HPGDS: variants seen among roughly 807,000 people sequenced by gnomAD.
The protein encoded by HPGDS is hematopoietic prostaglandin D synthase.
A neutral mutation model predicts 23.1 loss-of-function variants in HPGDS; 26 were observed. The observed-to-expected ratio is 1.13, with a 90% confidence interval of 0.83 to 1.56. The LOEUF is 1.56. Among genes scored for constraint, HPGDS ranks in the 40% most tolerant of loss-of-function variants. HPGDS has a pLI of 0.00. For synonymous variants in HPGDS, 95 were observed against 77.9 expected (o/e 1.22, Z -1.16); for missense variants, 268 against 236.4 (o/e 1.13, Z -0.88).
intron 1 of HPGDS, among the ~76,000 whole-genome samples, chr4:94,340,311 C>CTTTTCTTTTTTTTTTTTTTTTTTTTTTT (rs1721126934): frequency 1.3e-4 from 3 of 23,678 alleles, no homozygotes; most frequent in Non-Finnish European, 1.7e-4. Flanking sequence ...CTTTCTTTCT[C>CTTTTCTTTTTTTTTTTTTTTTTTTTTTT]TTTTTTTTTT....
chr4:94,333,140 C>T (rs1427151824), intron 2 of HPGDS, among the ~76,000 whole-genome samples: 2 of 152,162 alleles, frequency 1.3e-5, no homozygotes, highest in African/African-American at 4.8e-5. Flanking sequence ...GTTTCAAGCA[C>T]CAGAGAGCAC....
intron 3 of HPGDS, among the ~76,000 whole-genome samples, chr4:94,315,463 T>C (rs1382391404): frequency 6.6e-6 from 1 of 152,224 alleles, no homozygotes; most frequent in Non-Finnish European, 1.5e-5. Flanking sequence ...GACTGGAGAC[T>C]AAAATTTTTA....
At chr4:94,313,281 G>T (rs1444841852) in intron 3 of HPGDS, among the ~76,000 whole-genome samples, 8 of 152,184 alleles carry the variant, frequency 5.3e-5, no homozygotes, top group Non-Finnish European at 2.9e-5. Context: ...GGTACTGGTT[G>T]TTCCATTCCA....
chr4:94,323,132 T>TTGTTGTGA (rs1756551803), intron 2 of HPGDS, among the ~76,000 whole-genome samples: 1 of 152,196 alleles, frequency 6.6e-6, no homozygotes, highest in South Asian at 2.1e-4. Flanking sequence ...GAGAGACAGT[T>TTGTTGTGA]TGTTGTGATT....
At chr4:94,318,922 A>G (rs1029765629) in intron 2 of HPGDS, among the ~76,000 whole-genome samples, 17 of 152,286 alleles carry the variant, frequency 1.1e-4, no homozygotes, top group Middle Eastern at 3.4e-3. Flanking sequence ...TATGTTGGCC[A>G]GGCCGGTCTT....
chr4:94,322,232 T>TA (rs374537558), intron 2 of HPGDS, among the ~76,000 whole-genome samples: 1 of 151,662 alleles, frequency 6.6e-6, no homozygotes, highest in Non-Finnish European at 1.5e-5. Flanking sequence ...TCTCTTTTTT[T>TA]TGTGTCTCTG....
chr4:94,335,487 C>G (rs1720984421), intron 1 of HPGDS, among the ~76,000 whole-genome samples: 1 of 152,132 alleles, frequency 6.6e-6, no homozygotes. Context: ...TAAGATCAAA[C>G]AACTGAGAAA....
chr4:94,308,597 A>G (rs2126036420), intron 4 of HPGDS, 37 bp downstream of exon 4: 2 of 1,077,810 alleles, frequency 1.9e-6, no homozygotes, highest in Non-Finnish European at 2.8e-6. Flanking sequence ...CAGGTGGTAT[A>G]TAATTAATAC....
intron 2 of HPGDS, among the ~76,000 whole-genome samples, chr4:94,322,028 G>C (rs373094825): frequency 1.3e-5 from 2 of 152,118 alleles, no homozygotes; most frequent in Non-Finnish European, 2.9e-5. Context: ...CGATCATGTG[G>C]TTTTTGTCTT....
At chr4:94,317,281 G>A (rs142705278) in intron 3 of HPGDS, among the ~76,000 whole-genome samples, 10 of 152,290 alleles carry the variant, frequency 6.6e-5, no homozygotes, top group Admixed American at 2.0e-4. Flanking sequence ...AGACAATGGA[G>A]CATAGGATGG....
intron 3 of HPGDS, among the ~76,000 whole-genome samples, chr4:94,310,438 T>G (rs998874927): frequency 2.0e-5 from 3 of 152,168 alleles, no homozygotes; most frequent in Admixed American, 1.3e-4. Context: ...ATCAGATGGT[T>G]GTAGATGTGT....
chr4:94,326,399 C>T (rs1472730451), intron 2 of HPGDS, among the ~76,000 whole-genome samples: 1 of 151,998 alleles, frequency 6.6e-6, no homozygotes, highest in Admixed American at 6.6e-5. Flanking sequence ...TTTCTTCATC[C>T]TTTTTTCATT....
chr4:94,302,701 C>G (rs890696847), intron 4 of HPGDS, among the ~76,000 whole-genome samples: 1 of 151,980 alleles, frequency 6.6e-6, no homozygotes, highest in Admixed American at 6.6e-5. Context: ...TTCACTATTG[C>G]GTTTATAATG....
At chr4:94,314,753 C>A (rs913544097) in intron 3 of HPGDS, among the ~76,000 whole-genome samples, 1 of 152,196 alleles carries the variant, frequency 6.6e-6, no homozygotes, top group South Asian at 2.1e-4. Context: ...TCTACGGAGG[C>A]AGGCAGGCCT....
At chr4:94,309,253 A>C (rs1402579750) in intron 3 of HPGDS, among the ~76,000 whole-genome samples, 9 of 150,022 alleles carry the variant, frequency 6.0e-5, no homozygotes, top group African/African-American at 9.8e-5. Flanking sequence ...TATATCTCCT[A>C]ATGCTATCCC....
At chr4:94,324,816 G>A (rs957459076) in intron 2 of HPGDS, among the ~76,000 whole-genome samples, 6 of 152,154 alleles carry the variant, frequency 3.9e-5, no homozygotes, top group Admixed American at 1.3e-4. Flanking sequence ...AAGGAGCTGC[G>A]ATCCTTTGGA....
intron 2 of HPGDS, among the ~76,000 whole-genome samples, chr4:94,320,679 T>G (rs1646497870): frequency 6.6e-6 from 1 of 152,214 alleles, no homozygotes; most frequent in South Asian, 2.1e-4. Context: ...GTCAGATGGA[T>G]AGATTGCAAA....
At chr4:94,315,920 G>T (rs1218424246) in intron 3 of HPGDS, among the ~76,000 whole-genome samples, 1 of 152,064 alleles carries the variant, frequency 6.6e-6, no homozygotes, top group Non-Finnish European at 1.5e-5. Flanking sequence ...TAAACCACAG[G>T]CTCATTTTTT....
intron 4 of HPGDS, 68 bp downstream of exon 4, chr4:94,308,566 G>C (rs940868417): frequency 2.1e-5 from 15 of 728,858 alleles, no homozygotes; most frequent in Middle Eastern, 2.5e-4. Context: ...AACTTTCTAA[G>C]GCACCTAACA....
Sources: gnomAD v4.1 joint callset for allele counts (sites outside exome capture counted in the v4.1 genomes callset) on GRCh38, gnomAD v4.1.1 for gene constraint, MANE v1.5 for transcripts, NCBI Gene and HGNC (gene_info 2026-07-23, HGNC 2026-07-21) for gene names.